Variants in GLRA1 observed in about 807,000 individuals in gnomAD.
GLRA1 encodes glycine receptor subunit alpha-1.
In GLRA1, 37 loss-of-function variants were observed where a neutral mutation model predicts 48.3. The observed-to-expected ratio is 0.77, with a 90% CI of 0.59 to 1.01. The LOEUF is 1.01. Ranked by LOEUF, GLRA1 falls within the 50% of genes least tolerant of loss-of-function variation. The pLI is 0.00. For missense variants in GLRA1, 427 were observed against 571.0 expected (o/e 0.75, Z 2.57); for synonymous variants, 196 against 210.7 (o/e 0.93, Z 0.60).
At chr5:151,885,564 TTGGCAAGGGAAAGGAGGC>T (rs1254506077) in intron 3 of GLRA1, among the ~76,000 whole-genome samples, 3 of 152,174 alleles carry the variant, frequency 2.0e-5, no homozygotes, top group Non-Finnish European at 4.4e-5. Flanking sequence ...AGAATAGGAA[TTGGCAAGGGAAAGGAGGC>T]TGGAGTGGGT....
intron 2 of GLRA1, among the ~76,000 whole-genome samples, chr5:151,892,047 C>A (rs563659241): frequency 6.6e-6 from 1 of 152,146 alleles, no homozygotes; most frequent in Non-Finnish European, 1.5e-5. Context: ...ATCCTTCTTC[C>A]CATCATACAA....
At chr5:151,835,944 T>TG (rs1481629944) in intron 7 of GLRA1, among the ~76,000 whole-genome samples, 1 of 152,182 alleles carries the variant, frequency 6.6e-6, no homozygotes, top group Non-Finnish European at 1.5e-5. Context: ...AACATAGTAT[T>TG]GGAAGTGCTG....
At chr5:151,914,368 A>G (rs1754688916) in intron 1 of GLRA1, among the ~76,000 whole-genome samples, 2 of 152,114 alleles carry the variant, frequency 1.3e-5, no homozygotes, top group Non-Finnish European at 2.9e-5. Context: ...TAGAGATGTT[A>G]AGAGAAACCT....
intron 7 of GLRA1, among the ~76,000 whole-genome samples, chr5:151,844,230 G>A (rs1444454079): frequency 6.6e-6 from 1 of 151,496 alleles, no homozygotes; most frequent in Admixed American, 6.6e-5. Flanking sequence ...AAATCTAAAT[G>A]TGCCAAAGAC....
chr5:151,856,556 T>C lies in GLRA1; in HGVS notation c.477-173A>G, dbSNP rs7711609. Among the ~76,000 whole-genome samples the C allele has an allele frequency of 0.45, 67,747 of 152,008 alleles. 15,545 individuals carry two copies. Among genetic ancestry groups the C allele is most frequent in the African/African-American group, 0.56 (23,001 of 41,442 alleles). On this transcript the variant is annotated intron_variant, in intron 4 of 8. Transcript: ENST00000274576. ...TTTTGAGAGATGAGATCTCTCTTTG[T>C]GGCCCAGGCTGGAGCGCAATGATGC...
rs796869840 is a variant in GLRA1 at position 151,850,187 on chromosome 5, T to C, written c.912+1203A>G. Reference sequence around the variant, plus strand: ...GCAGTGTGGGAGCAGGCAAAGCCCATGGCAGGGACATCGTGGAGGCCCATT... The same window carrying C: ...GCAGTGTGGGAGCAGGCAAAGCCCACGGCAGGGACATCGTGGAGGCCCATT... On this transcript the variant is annotated intron_variant, in intron 7 of 8. Coordinates refer to ENST00000274576, the MANE Select transcript of GLRA1 (RefSeq NM_000171.4). 13 of 1,603,568 alleles carry C rather than the reference T, an allele frequency of 8.1e-6. No homozygotes were observed. The African/African-American group carries it at 1.5e-4, about 18-fold the overall frequency.
chr5:151,844,621 C>CAAAAAAAAAA (rs202218874), intron 7 of GLRA1, among the ~76,000 whole-genome samples: 8 of 49,698 alleles, frequency 1.6e-4, no homozygotes, highest in African/African-American at 4.3e-4. Context: ...TACTCTATCT[C>CAAAAAAAAAA]AAAAAAAAAA....
intron 1 of GLRA1, among the ~76,000 whole-genome samples, chr5:151,915,716 C>CATATATATAT (rs34164681): frequency 4.1e-5 from 6 of 146,166 alleles, no homozygotes; most frequent in African/African-American, 1.2e-4. Flanking sequence ...ATATGTAATA[C>CATATATATAT]ATATATATAT....
intron 7 of GLRA1, 143 bp from the exon 8 acceptor site, chr5:151,829,210 G>A: frequency 1.4e-6 from 1 of 738,196 alleles, no homozygotes; most frequent in Non-Finnish European, 2.3e-6. Context: ...TAGGGTGGAG[G>A]TATAGAGGAA....
intron 2 of GLRA1, among the ~76,000 whole-genome samples, chr5:151,891,428 T>C (rs909210949): frequency 6.6e-6 from 1 of 152,198 alleles, no homozygotes; most frequent in African/African-American, 2.4e-5. Context: ...ACATGTTTTA[T>C]TTGAATTTAC....
intron 7 of GLRA1, among the ~76,000 whole-genome samples, chr5:151,831,443 GA>G (rs1763422746): frequency 6.6e-6 from 1 of 152,220 alleles, no homozygotes; most frequent in Non-Finnish European, 1.5e-5. Context: ...AGTTGACCTG[GA>G]ACACTTGAGC....
intron 3 of GLRA1, among the ~76,000 whole-genome samples, chr5:151,876,926 G>A (rs1561567748): frequency 2.0e-5 from 3 of 152,108 alleles, no homozygotes. Context: ...AGAAAGAGGT[G>A]CCAGATCTCT....
chr5:151,849,991 C>G (rs543066297), intron 7 of GLRA1: 2 of 1,599,720 alleles, frequency 1.3e-6, no homozygotes, highest in Non-Finnish European at 1.7e-6. Flanking sequence ...CGAGTACAAC[C>G]GAAAGCCTGC....
At chr5:151,853,136 T>C (rs1047882545) in intron 6 of GLRA1, among the ~76,000 whole-genome samples, 1 of 152,210 alleles carries the variant, frequency 6.6e-6, no homozygotes, top group Admixed American at 6.5e-5. Flanking sequence ...AGAATTTCAG[T>C]TGTGCAAGAT....
chr5:151,828,382 C>T (rs1244532652), intron 8 of GLRA1, among the ~76,000 whole-genome samples: 2 of 152,204 alleles, frequency 1.3e-5, no homozygotes, highest in African/African-American at 4.8e-5. Flanking sequence ...TTGGTAACTT[C>T]TCAGAGGTGC....
intron 3 of GLRA1, among the ~76,000 whole-genome samples, chr5:151,879,874 T>C (rs1753719702): frequency 6.6e-6 from 1 of 152,200 alleles, no homozygotes; most frequent in African/African-American, 2.4e-5. Flanking sequence ...AATCTCATCT[T>C]GAATTTCCAT....
chr5:151,842,344 C>CAA (rs57227549), intron 7 of GLRA1, among the ~76,000 whole-genome samples: 150 of 139,956 alleles, frequency 1.1e-3, no homozygotes, highest in African/African-American at 2.8e-3. Context: ...TGAATACAGA[C>CAA]AAAAAAAAAA....
At chr5:151,830,241 C>T (rs968391363) in intron 7 of GLRA1, among the ~76,000 whole-genome samples, 13 of 152,196 alleles carry the variant, frequency 8.5e-5, no homozygotes. Flanking sequence ...TCTCATGGTT[C>T]CCTCAAAGAT....
In GLRA1 at chr5:151,851,402, T is replaced by G; in HGVS notation, c.900A>C (p.Ala300=). 1 of 1,612,560 alleles carries G rather than the reference T, an allele frequency of 6.2e-7. No individual in the cohort carries two copies. ...TMTTQSSGSR[A]SLPKVSYVKA... is the part of the protein sequence containing the mutation. ...CAATGGGACTTACCTTGGGCAGAGA[T>G]GCTCGAGAGCCGGAGCTCTGGGTGG... The change falls in exon 7 of 9, where the codon GCA becomes GCC. Residue 300 remains alanine (A), a synonymous_variant. Coordinates refer to ENST00000274576, the MANE Select transcript of GLRA1 (RefSeq NM_000171.4).
Sources: allele counts gnomAD v4.1 joint callset (sites outside exome capture counted in the v4.1 genomes callset), GRCh38; gene constraint gnomAD v4.1.1; transcripts MANE v1.5; gene names NCBI Gene and HGNC (gene_info 2026-07-23, HGNC 2026-07-21).